TEKT3: variants seen among roughly 807,000 people sequenced by gnomAD.
TEKT3 encodes tektin-3.
TEKT3 carries 49 observed loss-of-function variants against 49.8 expected under a neutral mutation model. The ratio of observed to expected loss-of-function variants is 0.98; its 90% confidence interval spans 0.78 to 1.25. The LOEUF is 1.25. Ranked by LOEUF, TEKT3 falls within the 50% of genes most tolerant of loss-of-function variation. TEKT3 has a pLI of 0.00. For missense variants in TEKT3, 595 were observed against 629.5 expected (o/e 0.95, Z 0.59); for synonymous variants, 225 against 237.2 (o/e 0.95, Z 0.47).
At chr17:15,310,998 G>C (rs867626647) in intron 7 of TEKT3, 49 of 152,126 alleles carry the variant, frequency 3.2e-4, no homozygotes, top group African/African-American at 1.2e-3. Context: ...GCCCCACCTG[G>C]AACGGTCACT....
At chr17:15,315,802 A>G (rs976184323) in intron 5 of TEKT3, among the ~76,000 whole-genome samples, 1 of 152,168 alleles carries the variant, frequency 6.6e-6, no homozygotes, top group Non-Finnish European at 1.5e-5. Context: ...AAGTAGGGAG[A>G]CACTGACAGA....
chr17:15,332,237 G>T (rs1403330914), intron 2 of TEKT3, among the ~76,000 whole-genome samples: 1 of 152,040 alleles, frequency 6.6e-6, no homozygotes, highest in African/African-American at 2.4e-5. Flanking sequence ...AACCATGATA[G>T]ACTAATAAAA....
chr17:15,324,049 A>G (rs1911382472), intron 4 of TEKT3, among the ~76,000 whole-genome samples: 1 of 152,162 alleles, frequency 6.6e-6, no homozygotes, highest in African/African-American at 2.4e-5. Context: ...CATTTCCATT[A>G]CCTTCCAAAG....
intron 4 of TEKT3, among the ~76,000 whole-genome samples, chr17:15,320,430 G>A (rs930640761): frequency 8.6e-5 from 13 of 151,908 alleles, no homozygotes; most frequent in Non-Finnish European, 1.3e-4. Context: ...AAATGTGCGT[G>A]GTGCTTTTGA....
At chr17:15,314,392 G>T in intron 5 of TEKT3, 162 bp from the exon 6 acceptor site, 1 of 922,220 alleles carries the variant, frequency 1.1e-6, no homozygotes, top group Non-Finnish European at 1.7e-6. Flanking sequence ...GCACTCTCTG[G>T]ATATGCCCAT....
chr17:15,315,104 A>G (rs1910942976), intron 5 of TEKT3, among the ~76,000 whole-genome samples: 1 of 152,210 alleles, frequency 6.6e-6, no homozygotes, highest in African/African-American at 2.4e-5. Context: ...CACCACCAAC[A>G]TCTCTTCTCT....
Position 15,304,582 on chromosome 17 carries a change from A to C in TEKT3, c.1257-430T>G, listed in dbSNP as rs1481678428. Among the ~76,000 whole-genome samples, 2 of 152,138 alleles carry C rather than the reference A, an allele frequency of 1.3e-5. No homozygotes were observed. The highest frequency in any genetic ancestry group is 2.9e-5 in the Non-Finnish European group (2 of 68,024). ...GGGCCCACATGTGTTTGTAAGCTGTACCTGCTTATCCAGGAAGCTAAGAAG... is the reference window on the plus strand; with the variant it reads ...GGGCCCACATGTGTTTGTAAGCTGTCCCTGCTTATCCAGGAAGCTAAGAAG... On this transcript the variant is annotated intron_variant, in intron 8 of 8. Coordinates refer to ENST00000395930, the MANE Select transcript of TEKT3 (RefSeq NM_031898.3). The surrounding 1 kb of genome is among the most constrained non-coding windows in gnomAD (Gnocchi z 4.7).
intron 2 of TEKT3, among the ~76,000 whole-genome samples, chr17:15,332,007 C>A (rs1056503720): frequency 2.6e-5 from 4 of 151,718 alleles, no homozygotes; most frequent in African/African-American, 9.7e-5. Flanking sequence ...GACGAAATGT[C>A]GTCTCTGTTA....
intron 2 of TEKT3, among the ~76,000 whole-genome samples, chr17:15,336,750 AC>A (rs1200232535): frequency 6.6e-6 from 1 of 152,192 alleles, no homozygotes; most frequent in Non-Finnish European, 1.5e-5. Context: ...TGTCATTTAA[AC>A]ATATACTGTG....
chr17:15,321,576 G>A (rs894156308), intron 4 of TEKT3, among the ~76,000 whole-genome samples: 8 of 152,160 alleles, frequency 5.3e-5, no homozygotes, highest in Admixed American at 2.0e-4. Context: ...AAGCAGAAGC[G>A]TAGGAAGAGC....
At chr17:15,337,151 T>C (rs1036388185) in intron 2 of TEKT3, among the ~76,000 whole-genome samples, 4 of 152,026 alleles carry the variant, frequency 2.6e-5, no homozygotes, top group African/African-American at 9.6e-5. Flanking sequence ...TAATTTATAG[T>C]TTTTAATTTC....
chr17:15,305,320 C>A (rs1910498150), intron 8 of TEKT3, among the ~76,000 whole-genome samples: 1 of 152,194 alleles, frequency 6.6e-6, no homozygotes, highest in Non-Finnish European at 1.5e-5. Flanking sequence ...CCACGCTGTG[C>A]AACACCTTTC....
Position 15,331,269 on chromosome 17 carries a change from T to C in TEKT3, c.317A>G (p.Asn106Ser). The change falls in exon 3 of 9, where the codon AAC (asparagine) becomes AGC (serine). Residue 106 changes from asparagine to serine, a missense_variant. Asn to Ser is a conservative substitution (Grantham distance 46, BLOSUM62 1). Transcript: ENST00000395930. Reference sequence around the variant, plus strand: ...TCGGGAAGTGTTGGACTCTTGATAGTTGGTTAAATTGGACCTGTACCAGTC... The same window carrying C: ...TCGGGAAGTGTTGGACTCTTGATAGCTGGTTAAATTGGACCTGTACCAGTC... ...PDDWYRSNLTNYQESNTSRHN... is the reference protein window; with the variant it reads ...PDDWYRSNLTSYQESNTSRHN... 1.9e-6 allele frequency: 3 copies of C among 1,614,212 alleles called. No individual in the cohort carries two copies. Among genetic ancestry groups the C allele is most frequent in the Non-Finnish European group, 2.5e-6 (3 of 1,180,032 alleles).
intron 4 of TEKT3, among the ~76,000 whole-genome samples, chr17:15,325,803 T>C (rs1204906485): frequency 1.3e-5 from 2 of 152,214 alleles, no homozygotes; most frequent in Non-Finnish European, 2.9e-5. Context: ...GGAGAGATGA[T>C]GGTAAATTCC....
At chr17:15,317,768 C>A (rs975749721) in intron 5 of TEKT3, among the ~76,000 whole-genome samples, 1 of 152,086 alleles carries the variant, frequency 6.6e-6, no homozygotes, top group Non-Finnish European at 1.5e-5. Context: ...TGATCATTGC[C>A]TGAGACCTTC....
Position 15,304,261 on chromosome 17 carries a change from A to T in TEKT3, c.1257-109T>A, listed in dbSNP as rs1245019917. ...AAGCTCACATTTTCTTTACTTTAGG[A>T]TATATTTATCAGCAAATGAGAGGTG... On this transcript the variant is annotated intron_variant, in intron 8 of 8. Transcript: ENST00000395930. The surrounding 1 kb of genome is among the most constrained non-coding windows in gnomAD (Gnocchi z 4.7). The T allele has an allele frequency of 9.2e-7, 1 of 1,091,092 alleles. No individual in the cohort carries two copies. The highest frequency in any genetic ancestry group is 1.3e-6 in the Non-Finnish European group (1 of 752,908). 67.6% of individuals were successfully genotyped at this position (1,091,092 alleles called of 1,614,324 possible).
At chr17:15,321,530 G>A (rs1055516793) in intron 4 of TEKT3, among the ~76,000 whole-genome samples, 14 of 152,114 alleles carry the variant, frequency 9.2e-5, no homozygotes, top group African/African-American at 3.1e-4. Flanking sequence ...CTGCCCAAGA[G>A]AAGAAAGTTG....
intron 5 of TEKT3, among the ~76,000 whole-genome samples, chr17:15,314,849 C>T (rs1431578041): frequency 6.6e-6 from 1 of 152,098 alleles, no homozygotes; most frequent in African/African-American, 2.4e-5. Flanking sequence ...ACTAATGGTC[C>T]ACCCAGGCTC....
At chr17:15,312,526 C>A in intron 6 of TEKT3, 45 bp from the exon 7 acceptor site, 2 of 1,568,322 alleles carry the variant, frequency 1.3e-6, no homozygotes, top group South Asian at 2.2e-5. Flanking sequence ...AGTGATGAAT[C>A]AGCCTACAGG....
Sources: gnomAD v4.1 joint callset for allele counts (sites outside exome capture counted in the v4.1 genomes callset) on GRCh38, gnomAD v4.1.1 for gene constraint, Gnocchi (gnomAD v3.1) non-coding constraint, MANE v1.5 for transcripts, NCBI Gene and HGNC (gene_info 2026-07-23, HGNC 2026-07-21) for gene names.